Variants in PSME4 observed in about 807,000 individuals in gnomAD.
PSME4 encodes the protein proteasome activator complex subunit 4.
A neutral mutation model predicts 253.9 loss-of-function variants in PSME4; 89 were observed. The observed-to-expected ratio is 0.35, with a 90% CI of 0.30 to 0.42. The LOEUF (loss-of-function observed/expected upper bound fraction) is 0.42. Ranked by LOEUF, PSME4 falls within the 10% of genes least tolerant of loss-of-function variation. PSME4 has a pLI of 1.00. For synonymous variants in PSME4, 851 were observed against 759.2 expected, an observed-to-expected ratio of 1.12 and a Z score of -1.99; for missense variants, 2,014 against 2,195.2, an observed-to-expected ratio of 0.92 and a Z score of 1.65.
In PSME4 at chr2:53,901,616, T is replaced by C. The variant is rs967124490; in HGVS notation, c.3076-57A>G. The C allele has an allele frequency of 3.6e-6, 5 of 1,396,292 alleles. No individual in the cohort carries two copies. In the Admixed American group the frequency reaches 7.4e-5, roughly 21 times the overall value. 86.5% of individuals were successfully genotyped at this position (1,396,292 alleles called of 1,614,324 possible). On this transcript the variant is annotated intron_variant, in intron 27 of 46. Coordinates refer to ENST00000404125, the MANE Select transcript of PSME4 (RefSeq NM_014614.3). ...TGGGAAATAAGAGGCATCATGTAGT[T>C]GTAGCCAATGCACCTATGTATTGGT... is the stretch of plus-strand genomic sequence containing the variant.
intron 1 of PSME4, 77 bp from the exon 2 acceptor site, chr2:53,949,360 G>C (rs1371871433): frequency 8.3e-6 from 8 of 961,894 alleles, no homozygotes. Context: ...ATTATCCATA[G>C]AAGCCAAGAT....
intron 3 of PSME4, among the ~76,000 whole-genome samples, chr2:53,948,168 A>T (rs1028157967): frequency 1.3e-5 from 2 of 152,226 alleles, no homozygotes; most frequent in Non-Finnish European, 2.9e-5. Context: ...CTCAGAATAA[A>T]ATATAAAACC....
At position 53,906,544 on chromosome 2, in the gene PSME4, T is replaced by C. The variant is rs1393622877; in HGVS notation, c.2943+54A>G. On this transcript the variant is annotated intron_variant, in intron 26 of 46. Coordinates refer to ENST00000404125, the MANE Select transcript of PSME4 (RefSeq NM_014614.3). ...TCTTCTTAAAAGGGGGATATTAAGATTGCATGTAATAAAATGGGAGGGCAT... is the reference window on the plus strand; with the variant it reads ...TCTTCTTAAAAGGGGGATATTAAGACTGCATGTAATAAAATGGGAGGGCAT... 6 of 1,452,440 alleles carry C rather than the reference T, an allele frequency of 4.1e-6. No homozygotes were observed. The Admixed American group carries it at 7.6e-5, about 18-fold the overall frequency. The allele number at this position is 1,452,440 out of a possible 1,614,324, so 90.0% of individuals were successfully genotyped here.
At chr2:53,958,159 C>T (rs1670318329) in intron 1 of PSME4, among the ~76,000 whole-genome samples, 1 of 147,348 alleles carries the variant, frequency 6.8e-6, no homozygotes, top group South Asian at 2.2e-4. Context: ...GCACTCCAGC[C>T]TGGGCGACAG....
chr2:53,923,913 C>CAAAAAAAAAAAAAAAAAAAAAAAA (rs199929436), intron 14 of PSME4, among the ~76,000 whole-genome samples: 1 of 96,878 alleles, frequency 1.0e-5, no homozygotes, highest in Non-Finnish European at 2.0e-5. Context: ...ACAGAGTTAA[C>CAAAAAAAAAAAAAAAAAAAAAAAA]AAAAAAAAAA....
intron 26 of PSME4, among the ~76,000 whole-genome samples, chr2:53,905,044 G>GTT (rs569890497): frequency 1.5e-5 from 2 of 133,176 alleles, no homozygotes; most frequent in Non-Finnish European, 3.2e-5. Context: ...ACTATAACCA[G>GTT]TTTTTTTTTT....
At chr2:53,893,592 G>C (rs1303382600) in intron 35 of PSME4, 82 bp downstream of exon 35, 48 of 1,564,696 alleles carry the variant, frequency 3.1e-5, no homozygotes, top group Non-Finnish European at 3.8e-5. Flanking sequence ...GGCTAGCTTT[G>C]ATCAAATATT....
At chr2:53,868,001 G>A (rs557199962) in intron 44 of PSME4, among the ~76,000 whole-genome samples, 8 of 152,032 alleles carry the variant, frequency 5.3e-5, no homozygotes, top group African/African-American at 1.4e-4. Context: ...AAAGGTGTGT[G>A]TATTCACATG....
chr2:53,891,369 T>C (rs1445089565), intron 36 of PSME4, among the ~76,000 whole-genome samples: 1 of 152,178 alleles, frequency 6.6e-6, no homozygotes, highest in Admixed American at 6.5e-5. Flanking sequence ...CCTGAGATCT[T>C]ACTTTCCTAA....
chr2:53,943,969 G>A (rs527474739), intron 3 of PSME4, among the ~76,000 whole-genome samples: 1 of 151,990 alleles, frequency 6.6e-6, no homozygotes, highest in East Asian at 1.9e-4. Flanking sequence ...CAAGGGTTAG[G>A]AAATTATAAT....
At chr2:53,887,723 A>G in intron 39 of PSME4, 135 bp downstream of exon 39, 2 of 1,183,378 alleles carry the variant, frequency 1.7e-6, no homozygotes, top group Non-Finnish European at 2.3e-6. Context: ...TTCCCACGAC[A>G]CAATAGCAAA....
intron 10 of PSME4, among the ~76,000 whole-genome samples, 187 bp from the exon 11 acceptor site, chr2:53,928,490 G>A (rs998692647): frequency 2.7e-5 from 4 of 150,674 alleles, no homozygotes; most frequent in Admixed American, 2.0e-4. Flanking sequence ...AGTTTCCGTA[G>A]TTTCAGTTAA....
chr2:53,939,251 T>C (rs148522239), intron 4 of PSME4, among the ~76,000 whole-genome samples: 2 of 152,312 alleles, frequency 1.3e-5, no homozygotes, highest in Non-Finnish European at 2.9e-5. Context: ...AAGCATATAA[T>C]ACATGGCTTT....
intron 8 of PSME4, 115 bp from the exon 9 acceptor site, chr2:53,932,875 C>A: frequency 4.3e-6 from 3 of 700,112 alleles, no homozygotes; most frequent in South Asian, 4.5e-5. Flanking sequence ...AACTTGCTGA[C>A]AAAAATAAAT....
chr2:53,915,334 G>A (rs545518696), intron 20 of PSME4, among the ~76,000 whole-genome samples: 14 of 152,190 alleles, frequency 9.2e-5, no homozygotes, highest in African/African-American at 1.7e-4. Context: ...CCAGCTATTC[G>A]GGAGCTGAAG....
Position 53,908,802 on chromosome 2 carries a change from C to T in PSME4, c.2611G>A (p.Val871Ile), listed in dbSNP as rs1478213654. 1.3e-5 allele frequency: 21 copies of T among 1,603,742 alleles called. No homozygotes were observed. The highest frequency in any genetic ancestry group is 1.8e-5 in the Non-Finnish European group (21 of 1,172,796). The change falls in exon 22 of 47, where the codon GTT (valine) becomes ATT (isoleucine). Residue 871 changes from valine to isoleucine, a missense_variant. Val to Ile is a conservative substitution (Grantham distance 29). Around this residue, in one of 4 missense-constraint regions of PSME4, gnomAD observed 989 missense variants for 1,021.1 expected, o/e 0.97. Coordinates refer to ENST00000404125, the MANE Select transcript of PSME4 (RefSeq NM_014614.3). ...RENHREVIAT[V>I]IRKLLNHILD... Reference sequence around the variant, plus strand: ...CACTTACTAAGAAGTTTCCTTATAACTGTAGCAATTACTTCTCGGTGGTTC... The same window carrying T: ...CACTTACTAAGAAGTTTCCTTATAATTGTAGCAATTACTTCTCGGTGGTTC...
rs1323358587 is a variant in PSME4 at position 53,893,720 on chromosome 2, C to T, written c.3992G>A (p.Arg1331Lys). The change falls in exon 35 of 47, where the codon AGA (arginine) becomes AAA (lysine). Residue 1331 changes from arginine to lysine, a missense_variant. Transcript: ENST00000404125. ...TGGATTAAACTTATCTTTTCCTTTT[C>T]TGTCTTCTAATGATAGAAAAGTAAT... is the stretch of plus-strand genomic sequence containing the variant. ...QLITFLSLED[R>K]KGKDKFNPRR... 1.9e-6 allele frequency: 3 copies of T among 1,610,816 alleles called. No homozygotes were observed. The South Asian group carries it at 3.3e-5, about 18-fold the overall frequency.
chr2:53,948,356 T>A, intron 3 of PSME4, 65 bp downstream of exon 3: 3 of 948,808 alleles, frequency 3.2e-6, no homozygotes, highest in Non-Finnish European at 5.1e-6. Flanking sequence ...TATTTTTCAA[T>A]CATGATCACC....
At chr2:53,877,309 A>G (rs1008200710) in intron 41 of PSME4, among the ~76,000 whole-genome samples, 1 of 150,848 alleles carries the variant, frequency 6.6e-6, no homozygotes, top group Non-Finnish European at 1.5e-5. Context: ...AGTCCTTGGG[A>G]GGCTGAGGTG....
Sources: gnomAD v4.1 joint callset for allele counts (sites outside exome capture counted in the v4.1 genomes callset) on GRCh38, gnomAD v4.1.1 for gene constraint, gnomAD v4.1.1 regional missense constraint, MANE v1.5 for transcripts, NCBI Gene and HGNC (gene_info 2026-07-23, HGNC 2026-07-21) for gene names.